The following ZFPM2 variants were observed in gnomAD, a reference collection of about 807,000 sequenced individuals.
ZFPM2 encodes zinc finger protein, FOG family member 2.
ZFPM2 carries 20 observed loss-of-function variants against 98.6 expected under a neutral mutation model. The ratio of observed to expected loss-of-function variants is 0.20; its 90% CI spans 0.14 to 0.29. ZFPM2 has a LOEUF of 0.29. ZFPM2 is among the 10% of genes least tolerant of loss of function. The pLI is 1.00. For synonymous variants in ZFPM2, 518 were observed against 502.7 expected (o/e 1.03, Z -0.41); for missense variants, 1,310 against 1,388.6 (o/e 0.94, Z 0.90).
At chr8:105,622,118 A>G (rs1816564228) in intron 4 of ZFPM2, among the ~76,000 whole-genome samples, 1 of 152,040 alleles carries the variant, frequency 6.6e-6, no homozygotes, top group African/African-American at 2.4e-5. Flanking sequence ...AAAAAACAAA[A>G]AGAATTATTT....
At chr8:105,784,332 CA>C in intron 5 of ZFPM2, among the ~76,000 whole-genome samples, 1 of 128,394 alleles carries the variant, frequency 7.8e-6, no homozygotes, top group African/African-American at 5.0e-5. Flanking sequence ...AACTGGTCCA[CA>C]ATAGTTGGTG....
intron 5 of ZFPM2, among the ~76,000 whole-genome samples, chr8:105,746,763 GT>G (rs2131044020): frequency 6.8e-6 from 1 of 147,296 alleles, no homozygotes; most frequent in South Asian, 2.1e-4. Flanking sequence ...GTGAAAAACA[GT>G]TGCCTCTGTT....
intron 5 of ZFPM2, among the ~76,000 whole-genome samples, chr8:105,689,495 T>C (rs1867040): frequency 0.31 from 47,232 of 152,066 alleles, 8,889 homozygotes; most frequent in Admixed American, 0.42. Flanking sequence ...AGATTTTTTT[T>C]GTTGATGGAA....
chr8:105,773,282 A>G (rs1422558030), intron 5 of ZFPM2, among the ~76,000 whole-genome samples: 1 of 152,176 alleles, frequency 6.6e-6, no homozygotes, highest in African/African-American at 2.4e-5. Flanking sequence ...CTTATATCAC[A>G]TGACAGTGTT....
At chr8:105,682,793 G>C (rs140651548) in intron 5 of ZFPM2, among the ~76,000 whole-genome samples, 91 of 152,164 alleles carry the variant, frequency 6.0e-4, no homozygotes, top group African/African-American at 2.1e-3. Flanking sequence ...TCTCCATCAT[G>C]GGATTCTTTA....
chr8:105,363,116 C>T (rs986576859), intron 1 of ZFPM2, among the ~76,000 whole-genome samples: 1 of 152,102 alleles, frequency 6.6e-6, no homozygotes, highest in Admixed American at 6.6e-5. Flanking sequence ...TTGCACAAAT[C>T]GGACTACATG....
intron 1 of ZFPM2, among the ~76,000 whole-genome samples, chr8:105,413,503 T>C (rs1306929332): frequency 1.5e-4 from 21 of 141,804 alleles, no homozygotes; most frequent in African/African-American, 3.4e-4. Flanking sequence ...TATATATATA[T>C]ATATACACAC....
At chr8:105,350,497 G>T (rs1028484242) in intron 1 of ZFPM2, among the ~76,000 whole-genome samples, 1 of 151,898 alleles carries the variant, frequency 6.6e-6, no homozygotes, top group African/African-American at 2.4e-5. Flanking sequence ...GATTGAATCA[G>T]ATAGGAAGAC....
intron 5 of ZFPM2, among the ~76,000 whole-genome samples, chr8:105,679,729 C>A (rs896127089): frequency 6.7e-6 from 1 of 149,322 alleles, no homozygotes; most frequent in South Asian, 2.1e-4. Flanking sequence ...CCTGGAAAGT[C>A]GAGGCTACAG....
rs539054843 is a variant in ZFPM2 at position 105,379,153 on chromosome 8, T to A, written c.41-39991T>A. ...AAAAAATTGTTCTTGTTGATTTTTT[T>A]AAATAACTTGTTAATTTCTACATTT... On this transcript the variant is annotated intron_variant, in intron 1 of 7. Transcript: ENST00000407775. Among the ~76,000 whole-genome samples, 68 of 152,354 alleles carry A rather than the reference T, an allele frequency of 4.5e-4. 1 individual carries two copies. Among genetic ancestry groups the A allele is most frequent in the Middle Eastern group, 6.8e-3 (2 of 294 alleles).
intron 5 of ZFPM2, among the ~76,000 whole-genome samples, chr8:105,748,816 G>T (rs1812411004): frequency 6.6e-6 from 1 of 151,980 alleles, no homozygotes; most frequent in African/African-American, 2.4e-5. Context: ...TGACAAAGCT[G>T]CAGATTTTGC....
intron 3 of ZFPM2, among the ~76,000 whole-genome samples, chr8:105,487,823 G>A (rs185800449): frequency 3.4e-4 from 52 of 151,802 alleles, no homozygotes; most frequent in African/African-American, 1.1e-3. Context: ...TAATTATTTG[G>A]CACTGTGCTA....
At chr8:105,359,380 T>TG (rs1563620471) in intron 1 of ZFPM2, among the ~76,000 whole-genome samples, 1 of 150,740 alleles carries the variant, frequency 6.6e-6, no homozygotes, top group African/African-American at 2.4e-5. Flanking sequence ...TTTTTTTTTT[T>TG]TTGTTGTTGT....
At chr8:105,773,607 T>G in intron 5 of ZFPM2, among the ~76,000 whole-genome samples, 1 of 151,514 alleles carries the variant, frequency 6.6e-6, no homozygotes, top group South Asian at 2.1e-4. Context: ...ACTATTAAAT[T>G]TTCTAGTTTT....
intron 3 of ZFPM2, among the ~76,000 whole-genome samples, chr8:105,547,617 TA>T (rs1263874235): frequency 6.6e-6 from 1 of 151,852 alleles, no homozygotes; most frequent in African/African-American, 2.4e-5. Context: ...TTCGTGGTTT[TA>T]CTTAAGTCAG....
chr8:105,527,439 A>T (rs1379882201), intron 3 of ZFPM2, among the ~76,000 whole-genome samples: 1 of 152,228 alleles, frequency 6.6e-6, no homozygotes, highest in East Asian at 1.9e-4. Flanking sequence ...ATATGGATTT[A>T]GAAACATGTC....
At chr8:105,636,248 T>A (rs1468731844) in intron 5 of ZFPM2, among the ~76,000 whole-genome samples, 2 of 152,190 alleles carry the variant, frequency 1.3e-5, no homozygotes, top group Admixed American at 1.3e-4. Flanking sequence ...TAGTGGAGTA[T>A]GCTAACTTGA....
chr8:105,685,251 C>G (rs1810705668), intron 5 of ZFPM2, among the ~76,000 whole-genome samples: 1 of 152,020 alleles, frequency 6.6e-6, no homozygotes, highest in African/African-American at 2.4e-5. Context: ...TCAATTTTAA[C>G]TAATTTAAAT....
chr8:105,525,513 C>T (rs1814156192), intron 3 of ZFPM2, among the ~76,000 whole-genome samples: 1 of 152,120 alleles, frequency 6.6e-6, no homozygotes, highest in Non-Finnish European at 1.5e-5. Flanking sequence ...TTTTGCTCTC[C>T]AAGCTGCATG....
Sources: gnomAD v4.1 joint callset for allele counts (sites outside exome capture counted in the v4.1 genomes callset) on GRCh38, gnomAD v4.1.1 for gene constraint, MANE v1.5 for transcripts, NCBI Gene and HGNC (gene_info 2026-07-23, HGNC 2026-07-21) for gene names.